Variants in FHIT observed in about 807,000 individuals in gnomAD.
FHIT encodes the protein fragile histidine triad diadenosine triphosphatase, also known as bis(5'-adenosyl)-triphosphatase.
A neutral mutation model predicts 17.9 loss-of-function variants in FHIT; 19 were observed. The ratio of observed to expected loss-of-function variants is 1.06; its 90% CI spans 0.74 to 1.56. FHIT has a LOEUF of 1.56. Among genes scored for constraint, FHIT ranks in the 40% most tolerant of loss-of-function variants. The pLI is 0.00. For synonymous variants in FHIT, 81 were observed against 69.7 expected (o/e 1.16, Z -0.81); for missense variants, 248 against 189.2 (o/e 1.31, Z -1.82).
intron 3 of FHIT, among the ~76,000 whole-genome samples, chr3:60,868,606 A>G (rs1704266032): frequency 6.6e-6 from 1 of 152,180 alleles, no homozygotes; most frequent in Admixed American, 6.6e-5. Context: ...CATGAGTGGG[A>G]TTCATTGACA....
At chr3:60,606,017 C>T (rs181057497) in intron 4 of FHIT, among the ~76,000 whole-genome samples, 120 of 152,224 alleles carry the variant, frequency 7.9e-4, no homozygotes, top group East Asian at 5.0e-3. Flanking sequence ...GATGTTATCT[C>T]GCCCAAGTCT....
chr3:59,787,246 G>C (rs1164252481), intron 8 of FHIT, among the ~76,000 whole-genome samples: 2 of 152,252 alleles, frequency 1.3e-5, no homozygotes, highest in East Asian at 1.9e-4. Flanking sequence ...TCCCAGGTCT[G>C]TATGACTCTA....
intron 5 of FHIT, among the ~76,000 whole-genome samples, chr3:60,403,631 A>G (rs1287451589): frequency 6.6e-6 from 1 of 152,140 alleles, no homozygotes; most frequent in East Asian, 1.9e-4. Context: ...CATTCCAGAA[A>G]GCGTCCTGCC....
chr3:61,142,005 A>G (rs1431561019), intron 2 of FHIT, among the ~76,000 whole-genome samples: 2 of 151,486 alleles, frequency 1.3e-5, no homozygotes, highest in African/African-American at 4.8e-5. Flanking sequence ...TCCCAGAGCC[A>G]TGGCTCTGCA....
intron 4 of FHIT, among the ~76,000 whole-genome samples, chr3:60,778,624 A>T (rs1700281070): frequency 6.6e-6 from 1 of 152,226 alleles, no homozygotes; most frequent in Non-Finnish European, 1.5e-5. Flanking sequence ...CTATGAACAA[A>T]GTTTGAAGCG....
intron 3 of FHIT, among the ~76,000 whole-genome samples, chr3:61,004,574 G>T (rs1449050462): frequency 6.6e-6 from 1 of 152,210 alleles, no homozygotes; most frequent in Non-Finnish European, 1.5e-5. Flanking sequence ...AAGTCTGGTG[G>T]AGAGGTCAAC....
intron 5 of FHIT, among the ~76,000 whole-genome samples, chr3:60,473,486 G>A (rs1287731982): frequency 4.6e-5 from 7 of 152,170 alleles, no homozygotes; most frequent in Admixed American, 4.6e-4. Flanking sequence ...GACAACCTGG[G>A]AGAAGGGAGA....
intron 3 of FHIT, among the ~76,000 whole-genome samples, chr3:60,877,579 G>T (rs1704728083): frequency 6.6e-6 from 1 of 152,236 alleles, no homozygotes; most frequent in East Asian, 1.9e-4. Flanking sequence ...CCAGGTAAAT[G>T]GTGCCTGGGC....
At chr3:59,787,484 AC>A (rs1699357855) in intron 8 of FHIT, among the ~76,000 whole-genome samples, 2 of 17,738 alleles carry the variant, frequency 1.1e-4, no homozygotes, top group Non-Finnish European at 2.1e-4. Flanking sequence ...GGGGCAAAAC[AC>A]ACACACACAC....
At chr3:60,512,205 TTGAC>T (rs2034977387) in intron 5 of FHIT, among the ~76,000 whole-genome samples, 1 of 152,192 alleles carries the variant, frequency 6.6e-6, no homozygotes, top group African/African-American at 2.4e-5. Context: ...TAGGAAAAGA[TTGAC>T]TGATATGTAG....
intron 2 of FHIT, among the ~76,000 whole-genome samples, chr3:61,189,963 C>T (rs1173251313): frequency 1.3e-5 from 2 of 151,944 alleles, no homozygotes; most frequent in African/African-American, 4.8e-5. Flanking sequence ...AAATGTTAGA[C>T]CTAAAACCAT....
At chr3:60,992,135 G>A (rs2030280825) in intron 3 of FHIT, among the ~76,000 whole-genome samples, 1 of 152,188 alleles carries the variant, frequency 6.6e-6, no homozygotes, top group Non-Finnish European at 1.5e-5. Context: ...ACTACATGCT[G>A]TGTAATTCCA....
rs552108671 is a variant in FHIT at position 59,779,646 on chromosome 3, C to T, written c.349-27325G>A. On this transcript the variant is annotated intron_variant, in intron 8 of 9. Transcript: ENST00000492590. ...ATATGTAGTAATCAGTAATACAGAA[C>T]AATAAAAGGCCTTGATACACTGATC... is the stretch of plus-strand genomic sequence containing the variant. 2.6e-4 allele frequency among the ~76,000 whole-genome samples: 39 copies of T among 152,174 alleles called. No individual in the cohort carries two copies. In the South Asian group the frequency reaches 7.3e-3, roughly 28 times the overall value.
At chr3:60,767,393 A>C (rs13098466) in intron 4 of FHIT, among the ~76,000 whole-genome samples, 59,493 of 151,966 alleles carry the variant, frequency 0.39, 11,961 homozygotes, top group Non-Finnish European at 0.42. Flanking sequence ...TAATTCTTAC[A>C]TCCCTTCTAT....
intron 2 of FHIT, among the ~76,000 whole-genome samples, chr3:61,122,494 A>C (rs1449658675): frequency 6.6e-6 from 1 of 152,242 alleles, no homozygotes; most frequent in Non-Finnish European, 1.5e-5. Flanking sequence ...CAAAAGCCAA[A>C]ATTGACAATT....
chr3:60,875,963 G>GTGTA (rs1204623763), intron 3 of FHIT, among the ~76,000 whole-genome samples: 1 of 149,498 alleles, frequency 6.7e-6, no homozygotes. Context: ...GTGTGTGTGT[G>GTGTA]TAAATGAATA....
intron 4 of FHIT, among the ~76,000 whole-genome samples, chr3:60,654,858 A>G (rs1312981368): frequency 2.0e-5 from 3 of 152,246 alleles, no homozygotes; most frequent in Admixed American, 2.0e-4. Flanking sequence ...TTGACAATGC[A>G]AAAATAATGG....
chr3:60,613,640 C>A lies in FHIT; in HGVS notation c.-17-76661G>T, dbSNP rs139051015. Among the ~76,000 whole-genome samples the A allele has an allele frequency of 5.3e-5, 8 of 152,198 alleles. 1 individual carries two copies. The highest frequency in any genetic ancestry group is 3.3e-4 in the Admixed American group (5 of 15,296). ...ATATTCCTTCATCTTTCTCTCCCTACTTCCTTTTCTTTAACTTCCATTTCT... is the reference window on the plus strand; with the variant it reads ...ATATTCCTTCATCTTTCTCTCCCTAATTCCTTTTCTTTAACTTCCATTTCT... On this transcript the variant is annotated intron_variant, in intron 4 of 9. Transcript: ENST00000492590.
At chr3:61,206,491 C>T (rs1369161602) in intron 1 of FHIT, among the ~76,000 whole-genome samples, 1 of 152,042 alleles carries the variant, frequency 6.6e-6, no homozygotes, top group Non-Finnish European at 1.5e-5. Flanking sequence ...TCTTTTATTT[C>T]ATTGAGCAGT....
Sources: gnomAD v4.1 joint callset for allele counts (sites outside exome capture counted in the v4.1 genomes callset) on GRCh38, gnomAD v4.1.1 for gene constraint, MANE v1.5 for transcripts, NCBI Gene and HGNC (gene_info 2026-07-23, HGNC 2026-07-21) for gene names.